RASAL2: variants seen among roughly 807,000 people sequenced by gnomAD.
The protein encoded by RASAL2 is ras GTPase-activating protein nGAP.
RASAL2 carries 58 observed loss-of-function variants against 128.9 expected under a neutral mutation model. That is an observed-to-expected ratio of 0.45 (90% CI 0.36 to 0.56). The LOEUF (loss-of-function observed/expected upper bound fraction) is 0.56. Ranked by LOEUF, RASAL2 falls within the 20% of genes least tolerant of loss-of-function variation. The probability of loss-of-function intolerance (pLI) is 0.00; values close to 1 mark genes in which losing one functional copy is unlikely to be tolerated. For synonymous variants in RASAL2, 561 were observed against 580.8 expected (o/e 0.97, Z 0.49); for missense variants, 1,360 against 1,601.6 (o/e 0.85, Z 2.57).
At chr1:178,314,594 C>A (rs1165779769) in intron 3 of RASAL2, among the ~76,000 whole-genome samples, 1 of 138,660 alleles carries the variant, frequency 7.2e-6, no homozygotes, top group Admixed American at 6.9e-5. Context: ...TCTCTTTTTC[C>A]CCCAAAATAT....
At chr1:178,210,847 T>G (rs910309863) in intron 1 of RASAL2, among the ~76,000 whole-genome samples, 5 of 152,208 alleles carry the variant, frequency 3.3e-5, no homozygotes, top group Admixed American at 1.3e-4. Flanking sequence ...CACCAAGGGC[T>G]CTAGTACTGT....
chr1:178,443,018 A>G lies in RASAL2; in HGVS notation c.1271A>G (p.Lys424Arg), dbSNP rs1676773847. Residue 424 changes from lysine (K) to arginine (R), a missense_variant, in exon 8 of 18, where the codon AAA (lysine) becomes AGA (arginine). This residue lies in a region of RASAL2 where 617 missense variants were observed against 714.2 expected (regional missense o/e 0.86). Coordinates refer to ENST00000367649, the MANE Select transcript of RASAL2 (RefSeq NM_170692.4). ...WYPVSTPTPN[K>R]GKTGGPSIRI... is the part of the protein sequence containing the mutation. ...CCAGTGAGTACACCTACACCCAACA[A>G]AGGAAAGACAGGAGGACCTTCTATT... 18 of 1,613,928 alleles carry G rather than the reference A, an allele frequency of 1.1e-5. No individual in the cohort carries two copies. In the East Asian group the frequency reaches 4.0e-4, roughly 36 times the overall value.
chr1:178,301,699 C>T (rs1167842179), intron 3 of RASAL2, among the ~76,000 whole-genome samples: 1 of 152,110 alleles, frequency 6.6e-6, no homozygotes, highest in Non-Finnish European at 1.5e-5. Flanking sequence ...TCCCAAAGTG[C>T]TAGGAATAAA....
At chr1:178,346,449 A>G (rs919757513) in intron 3 of RASAL2, among the ~76,000 whole-genome samples, 2 of 152,048 alleles carry the variant, frequency 1.3e-5, no homozygotes, top group African/African-American at 2.4e-5. Context: ...AAATCGCTAT[A>G]TACATCCTGA....
At chr1:178,221,629 G>A (rs1663616338) in intron 1 of RASAL2, among the ~76,000 whole-genome samples, 1 of 152,090 alleles carries the variant, frequency 6.6e-6, no homozygotes, top group Admixed American at 6.6e-5. Flanking sequence ...AGCAGACATG[G>A]TATGATTTCT....
At chr1:178,195,813 G>T (rs1662640726) in intron 1 of RASAL2, among the ~76,000 whole-genome samples, 1 of 151,954 alleles carries the variant, frequency 6.6e-6, no homozygotes, top group Non-Finnish European at 1.5e-5. Context: ...ATTATGATGA[G>T]CTCTGAATTA....
intron 1 of RASAL2, among the ~76,000 whole-genome samples, chr1:178,184,474 T>C (rs1044556592): frequency 6.6e-6 from 1 of 152,032 alleles, no homozygotes; most frequent in Non-Finnish European, 1.5e-5. Flanking sequence ...CATTTAGATC[T>C]GTGTTCCATT....
intron 1 of RASAL2, among the ~76,000 whole-genome samples, chr1:178,115,135 G>A (rs1420868701): frequency 6.6e-6 from 1 of 152,000 alleles, no homozygotes; most frequent in African/African-American, 2.4e-5. Flanking sequence ...TTTGTTGGAG[G>A]GTAATTCACT....
rs578081248 is a variant in RASAL2 at position 178,448,594 on chromosome 1, A to G, written c.1627+2932A>G. On this transcript the variant is annotated intron_variant, in intron 9 of 17. Transcript: ENST00000367649. ...ATAGTGTCATTTACATAAAGAGCTT[A>G]TTACAGCCATAAATTATATCTCATG... Among the ~76,000 whole-genome samples the G allele has an allele frequency of 3.9e-5, 6 of 152,162 alleles. No individual in the cohort carries two copies. In the South Asian group the frequency reaches 8.3e-4, roughly 21 times the overall value.
intron 1 of RASAL2, among the ~76,000 whole-genome samples, chr1:178,157,373 G>C (rs1341260402): frequency 1.3e-5 from 2 of 152,218 alleles, no homozygotes; most frequent in Non-Finnish European, 2.9e-5. Flanking sequence ...TTGTTTAACA[G>C]TGGTGTCCAT....
At chr1:178,344,974 G>A (rs922066830) in intron 3 of RASAL2, among the ~76,000 whole-genome samples, 3 of 152,112 alleles carry the variant, frequency 2.0e-5, no homozygotes, top group African/African-American at 7.2e-5. Flanking sequence ...CTTAAGCAAT[G>A]CCACTCAGAA....
chr1:178,326,778 A>C (rs1368012408), intron 3 of RASAL2, among the ~76,000 whole-genome samples: 1 of 152,148 alleles, frequency 6.6e-6, no homozygotes, highest in Non-Finnish European at 1.5e-5. Flanking sequence ...TCCCGACCTC[A>C]GGTGATCTGC....
intron 8 of RASAL2, among the ~76,000 whole-genome samples, chr1:178,444,814 C>T (rs1676888115): frequency 6.6e-6 from 1 of 152,002 alleles, no homozygotes; most frequent in South Asian, 2.1e-4. Flanking sequence ...ATATTGAACA[C>T]CTAATATATG....
intron 1 of RASAL2, among the ~76,000 whole-genome samples, chr1:178,210,371 G>T (rs1478967821): frequency 6.6e-6 from 1 of 152,150 alleles, no homozygotes; most frequent in Non-Finnish European, 1.5e-5. Flanking sequence ...TTTGTTGCCT[G>T]TTGATTTTCT....
Position 178,315,642 on chromosome 1 carries a change from T to G in RASAL2, c.457+15524T>G, listed in dbSNP as rs1171564191. On this transcript the variant is annotated intron_variant, in intron 3 of 17. Transcript: ENST00000367649. ...GCCCACTTTTTGATGGGGTTGTTTG[T>G]TTTTTTCTTGTAAATTTGTTTGAGT... Among the ~76,000 whole-genome samples the G allele has an allele frequency of 2.1e-5, 3 of 142,866 alleles. 1 individual carries two copies. The highest frequency in any genetic ancestry group is 8.5e-5 in the African/African-American group (3 of 35,380). 93.7% of individuals were successfully genotyped at this position (142,866 alleles called of 152,430 possible). A position where few individuals can be genotyped will look rare whatever the true frequency, so the allele number is the denominator to read the frequency against.
intron 1 of RASAL2, among the ~76,000 whole-genome samples, chr1:178,131,086 A>C (rs967623311): frequency 1.3e-5 from 2 of 149,100 alleles, no homozygotes; most frequent in African/African-American, 4.9e-5. Flanking sequence ...AAAAAAAACC[A>C]AAAAAAAACA....
chr1:178,112,030 C>T (rs1034194506), intron 1 of RASAL2, among the ~76,000 whole-genome samples: 22 of 152,076 alleles, frequency 1.4e-4, no homozygotes, highest in African/African-American at 4.3e-4. Flanking sequence ...CTCCTGGCCT[C>T]TTTTGTCAAT....
intron 1 of RASAL2, among the ~76,000 whole-genome samples, chr1:178,130,001 G>A (rs1275662579): frequency 2.0e-5 from 3 of 152,132 alleles, no homozygotes; most frequent in African/African-American, 4.8e-5. Context: ...TAACATAAGT[G>A]TTAGTATTAC....
At chr1:178,175,713 A>G (rs1033851100) in intron 1 of RASAL2, among the ~76,000 whole-genome samples, 1 of 150,616 alleles carries the variant, frequency 6.6e-6, no homozygotes, top group African/African-American at 2.4e-5. Flanking sequence ...CCGCCTTCTG[A>G]GTTTCCAAAG....
Sources: allele counts gnomAD v4.1 joint callset (sites outside exome capture counted in the v4.1 genomes callset), GRCh38; gene constraint gnomAD v4.1.1; regional missense constraint gnomAD v4.1.1; transcripts MANE v1.5; gene names NCBI Gene and HGNC (gene_info 2026-07-23, HGNC 2026-07-21).